The following GRIA3 variants were observed in gnomAD, a reference collection of about 807,000 sequenced individuals.
GRIA3 encodes glutamate ionotropic receptor AMPA type subunit 3.
In GRIA3, 3 loss-of-function variants were observed where a neutral mutation model predicts 63.0. The observed-to-expected ratio is 0.05, with a 90% CI of 0.02 to 0.12. The LOEUF is 0.12. GRIA3 is among the 10% of genes least tolerant of loss of function. GRIA3 has a pLI of 1.00. For synonymous variants in GRIA3, 274 were observed against 257.9 expected, an observed-to-expected ratio of 1.06 and a Z score of -0.60; for missense variants, 347 against 700.9, an observed-to-expected ratio of 0.50 and a Z score of 5.70.
chrX:123,273,798 G>C (rs1203318014), intron 3 of GRIA3, among the ~76,000 whole-genome samples: 2 of 112,288 alleles, frequency 1.8e-5, no homozygotes, highest in African/African-American at 6.5e-5. Context: ...AAACTCACCT[G>C]TTTTGTGTCT....
chrX:123,256,908 A>T (rs1489160305), intron 3 of GRIA3, among the ~76,000 whole-genome samples: 5 of 111,946 alleles, frequency 4.5e-5, no homozygotes, highest in Non-Finnish European at 9.4e-5. Context: ...CTTTGGAGAC[A>T]GAATTGACAG....
intron 2 of GRIA3, among the ~76,000 whole-genome samples, chrX:123,237,378 G>A (rs1331756959): frequency 9.0e-6 from 1 of 111,662 alleles, no homozygotes; most frequent in Non-Finnish European, 1.9e-5. Flanking sequence ...TTTTCTTAAT[G>A]TAAATTCCAG....
chrX:123,440,432 G>A (rs753064682), intron 12 of GRIA3, among the ~76,000 whole-genome samples: 54 of 112,116 alleles, frequency 4.8e-4, no homozygotes, highest in Admixed American at 1.9e-4. Flanking sequence ...AAGTGTTCCC[G>A]TTTCTCTGCA....
chrX:123,317,865 C>T (rs866344050), intron 3 of GRIA3, among the ~76,000 whole-genome samples: 2 of 112,484 alleles, frequency 1.8e-5, no homozygotes, highest in Non-Finnish European at 3.8e-5. Context: ...GGGCTCTGAC[C>T]CCACATTTCC....
chrX:123,225,138 A>C (rs756500234), intron 2 of GRIA3, among the ~76,000 whole-genome samples: 2 of 112,126 alleles, frequency 1.8e-5, no homozygotes, highest in Non-Finnish European at 3.8e-5. Context: ...CAGCTCTGGC[A>C]CTTACTAGGT....
At chrX:123,355,643 A>G (rs927811857) in intron 5 of GRIA3, among the ~76,000 whole-genome samples, 1 of 111,948 alleles carries the variant, frequency 8.9e-6, no homozygotes, top group African/African-American at 3.2e-5. Flanking sequence ...TACCATCTCC[A>G]TGAAATGAAA....
intron 12 of GRIA3, among the ~76,000 whole-genome samples, chrX:123,461,461 A>G (rs5910005): frequency 0.32 from 35,560 of 110,785 alleles, 4,317 homozygotes; most frequent in South Asian, 0.36. Flanking sequence ...TTGTAGATGA[A>G]TAAGGTAATT....
At chrX:123,275,833 C>T (rs910760859) in intron 3 of GRIA3, among the ~76,000 whole-genome samples, 2 of 112,063 alleles carry the variant, frequency 1.8e-5, no homozygotes, top group Non-Finnish European at 3.8e-5. Flanking sequence ...CAGTTGGAAG[C>T]ATTTGTTCCT....
In GRIA3 at chrX:123,458,160, T is replaced by C. The variant is rs191329170; in HGVS notation, c.2077-6705T>C. 2.5e-3 allele frequency among the ~76,000 whole-genome samples: 272 copies of C among 109,828 alleles called. 3 individuals carry two copies. The highest frequency in any genetic ancestry group is 8.6e-3 in the African/African-American group (259 of 30,216). ...GGACCAGTAGGTGACACTTCAATTT[T>C]AATATTCACTCATTCCACCGACACA... is the stretch of plus-strand genomic sequence containing the variant. On this transcript the variant is annotated intron_variant, in intron 12 of 15. Transcript: ENST00000620443.
chrX:123,459,955 T>G (rs2045783591), intron 12 of GRIA3, among the ~76,000 whole-genome samples: 1 of 111,992 alleles, frequency 8.9e-6, no homozygotes, highest in Non-Finnish European at 1.9e-5. Context: ...ATGAGTCATT[T>G]CTTTTCCCCC....
At chrX:123,321,943 T>G (rs2044870446) in intron 3 of GRIA3, among the ~76,000 whole-genome samples, 1 of 111,300 alleles carries the variant, frequency 9.0e-6, no homozygotes, top group African/African-American at 3.3e-5. Context: ...GTTACCTCGC[T>G]GGGGGTATGA....
chrX:123,316,470 C>A (rs765067822), intron 3 of GRIA3, among the ~76,000 whole-genome samples: 1 of 112,199 alleles, frequency 8.9e-6, no homozygotes, highest in South Asian at 3.7e-4. Context: ...GGAGGGCAAT[C>A]TGGCAGTATG....
At chrX:123,236,419 TAGG>T (rs2044302243) in intron 2 of GRIA3, among the ~76,000 whole-genome samples, 6 of 111,393 alleles carry the variant, frequency 5.4e-5, no homozygotes, top group Non-Finnish European at 1.1e-4. Flanking sequence ...AAGAGGCAAC[TAGG>T]TCCCAGTTGT....
At chrX:123,369,566 A>G (rs1351137125) in intron 5 of GRIA3, among the ~76,000 whole-genome samples, 1 of 111,913 alleles carries the variant, frequency 8.9e-6, no homozygotes, top group African/African-American at 3.2e-5. Context: ...CTTGTCCATG[A>G]CTCCAATAAT....
intron 4 of GRIA3, among the ~76,000 whole-genome samples, chrX:123,348,015 G>A (rs952250860): frequency 8.1e-5 from 9 of 111,415 alleles, no homozygotes; most frequent in Non-Finnish European, 1.3e-4. Flanking sequence ...ACACATTTGA[G>A]TAACTACTCA....
intron 10 of GRIA3, 101 bp from the exon 11 acceptor site, chrX:123,417,301 G>C: frequency 1.4e-6 from 1 of 695,828 alleles, no homozygotes; most frequent in Non-Finnish European, 2.2e-6. Flanking sequence ...AAAGATTTAG[G>C]ACTTGATATT....
At chrX:123,291,541 CT>C (rs1345618256) in intron 3 of GRIA3, among the ~76,000 whole-genome samples, 2 of 110,324 alleles carry the variant, frequency 1.8e-5, no homozygotes, top group Non-Finnish European at 1.9e-5. Flanking sequence ...ACATGTACCC[CT>C]GAATCTCAAA....
chrX:123,383,216 G>A (rs1316637845), intron 5 of GRIA3, among the ~76,000 whole-genome samples: 1 of 112,201 alleles, frequency 8.9e-6, no homozygotes, highest in Non-Finnish European at 1.9e-5. Context: ...GCATAGAATT[G>A]TAATGATCAA....
At chrX:123,319,135 CAG>C (rs752078154) in intron 3 of GRIA3, among the ~76,000 whole-genome samples, 7 of 111,838 alleles carry the variant, frequency 6.3e-5, no homozygotes, top group Admixed American at 5.7e-4. Flanking sequence ...TCCAACAACA[CAG>C]GGGAATTCTG....
Sources: allele counts gnomAD v4.1 joint callset (sites outside exome capture counted in the v4.1 genomes callset), GRCh38; gene constraint gnomAD v4.1.1; transcripts MANE v1.5; gene names NCBI Gene and HGNC (gene_info 2026-07-23, HGNC 2026-07-21).